The following CPNE8 variants were observed in gnomAD, a reference collection of about 807,000 sequenced individuals.
CPNE8 encodes the protein copine-8.
In CPNE8, 45 loss-of-function variants were observed where a neutral mutation model predicts 81.5. The observed-to-expected ratio is 0.55, with a 90% confidence interval of 0.44 to 0.71. The LOEUF (loss-of-function observed/expected upper bound fraction) is 0.71, where lower values mean the gene tolerates loss of function less well. Among genes scored for constraint, CPNE8 ranks in the 30% least tolerant of loss-of-function variants. The pLI, the probability that CPNE8 is intolerant of heterozygous loss-of-function variation, is 0.00. For synonymous variants in CPNE8, 252 were observed against 226.3 expected (o/e 1.11, Z -1.02); for missense variants, 594 against 672.1 (o/e 0.88, Z 1.28).
At chr12:38,829,907 T>G (rs1943256890) in intron 5 of CPNE8, among the ~76,000 whole-genome samples, 1 of 152,192 alleles carries the variant, frequency 6.6e-6, no homozygotes, top group African/African-American at 2.4e-5. Context: ...ACAGCCAACC[T>G]GCCAGGTGTC....
At chr12:38,834,488 A>T (rs1195640266) in intron 5 of CPNE8, among the ~76,000 whole-genome samples, 2 of 152,150 alleles carry the variant, frequency 1.3e-5, no homozygotes, top group African/African-American at 4.8e-5. Flanking sequence ...TACACTGGAC[A>T]TCCAATTCAT....
intron 10 of CPNE8, among the ~76,000 whole-genome samples, chr12:38,757,372 A>G (rs1378984450): frequency 6.6e-6 from 1 of 152,030 alleles, no homozygotes; most frequent in Non-Finnish European, 1.5e-5. Flanking sequence ...AAAAACATGT[A>G]AAAAGTGTAA....
chr12:38,768,169 T>A, intron 7 of CPNE8, among the ~76,000 whole-genome samples: 1 of 151,628 alleles, frequency 6.6e-6, no homozygotes, highest in East Asian at 1.9e-4. Flanking sequence ...ATGTACTAGA[T>A]GATTAGATGG....
At chr12:38,657,457 T>C (rs1017468648) in intron 19 of CPNE8, among the ~76,000 whole-genome samples, 2 of 152,096 alleles carry the variant, frequency 1.3e-5, no homozygotes, top group African/African-American at 2.4e-5. Flanking sequence ...AGGGCACAGC[T>C]GAAAAAAGGC....
chr12:38,722,553 G>T (rs1253374117), intron 13 of CPNE8, among the ~76,000 whole-genome samples: 1 of 152,140 alleles, frequency 6.6e-6, no homozygotes, highest in East Asian at 1.9e-4. Flanking sequence ...GTGGCAGGGG[G>T]CTGTTGCTGA....
At chr12:38,770,945 C>T (rs550571996) in intron 7 of CPNE8, among the ~76,000 whole-genome samples, 1 of 152,204 alleles carries the variant, frequency 6.6e-6, no homozygotes, top group African/African-American at 2.4e-5. Flanking sequence ...CCTGCATAGT[C>T]AGCCGACTAA....
In CPNE8 at chr12:38,767,744, A is replaced by G. The variant is rs756182221; in HGVS notation, c.472-6T>C. ...AATTGCATCAAAACGGCATCCTAAA[A>G]ACAAAATTAATAAAACAGTTCAAGA... On this transcript the variant is annotated splice_polypyrimidine_tract_variant and splice_region_variant and intron_variant, in intron 7 of 19. Transcript: ENST00000331366. 1 of 1,514,576 alleles carries G rather than the reference A, an allele frequency of 6.6e-7. No individual in the cohort carries two copies. The highest frequency in any genetic ancestry group is 2.5e-5 in the East Asian group (1 of 39,438). The allele number at this position is 1,514,576 out of a possible 1,614,324, so 93.8% of individuals were successfully genotyped here.
intron 3 of CPNE8, among the ~76,000 whole-genome samples, chr12:38,869,674 A>G (rs1333778734): frequency 6.6e-6 from 1 of 151,958 alleles, no homozygotes. Context: ...TCTCTTTAAT[A>G]CTTTTCACTC....
intron 6 of CPNE8, among the ~76,000 whole-genome samples, chr12:38,779,631 C>A (rs1050875072): frequency 6.6e-6 from 1 of 152,050 alleles, no homozygotes; most frequent in Non-Finnish European, 1.5e-5. Context: ...ATCATGGTTG[C>A]CTGGTATATG....
chr12:38,714,268 C>T (rs1940333330), intron 13 of CPNE8, among the ~76,000 whole-genome samples: 1 of 151,980 alleles, frequency 6.6e-6, no homozygotes, highest in African/African-American at 2.4e-5. Context: ...GATTTCATAA[C>T]AGTATGTAAT....
chr12:38,675,731 G>T lies in CPNE8; in HGVS notation c.1418C>A (p.Pro473Gln). Residue 473 changes from proline to glutamine, a missense_variant, in exon 18 of 20, where the codon CCA becomes CAA. Pro to Gln is a moderately conservative substitution (Grantham distance 76, BLOSUM62 -1). Transcript: ENST00000331366. ...TTACTACTCACCATCAAATTCTGCT[G>T]GTCCAACACCTACTATAATTATTGA... is the stretch of plus-strand genomic sequence containing the variant. ...PMSIIIVGVGPAEFDAMVELD... is the reference protein window; with the variant it reads ...PMSIIIVGVGQAEFDAMVELD... 1.2e-6 allele frequency: 2 copies of T among 1,602,156 alleles called. No individual in the cohort carries two copies. Among genetic ancestry groups the T allele is most frequent in the Non-Finnish European group, 1.7e-6 (2 of 1,169,590 alleles).
At chr12:38,837,334 A>G (rs192400250) in intron 5 of CPNE8, among the ~76,000 whole-genome samples, 1 of 152,280 alleles carries the variant, frequency 6.6e-6, no homozygotes, top group East Asian at 1.9e-4. Flanking sequence ...GCAGAAGCAC[A>G]TGATCTGGAA....
chr12:38,846,478 T>C lies in CPNE8; in HGVS notation c.290+2081A>G, dbSNP rs760885652. Among the ~76,000 whole-genome samples, 89 of 152,214 alleles carry C rather than the reference T, an allele frequency of 5.8e-4. 1 individual carries two copies. The highest frequency in any genetic ancestry group is 1.2e-3 in the Non-Finnish European group (79 of 68,000). On this transcript the variant is annotated intron_variant, in intron 4 of 19. Coordinates refer to ENST00000331366, the MANE Select transcript of CPNE8 (RefSeq NM_153634.3). ...GGCAAAAGTGGCAATTGGTGAGTGA[T>C]GGTGGTAGGTAAAACTAGTCTTAGA...
chr12:38,742,599 A>G (rs912564109), intron 10 of CPNE8, among the ~76,000 whole-genome samples: 7 of 151,892 alleles, frequency 4.6e-5, no homozygotes, highest in African/African-American at 1.7e-4. Flanking sequence ...TAATTTGTGC[A>G]GCACACCAAC....
intron 5 of CPNE8, among the ~76,000 whole-genome samples, chr12:38,833,198 C>A (rs1339904707): frequency 1.3e-5 from 2 of 151,540 alleles, no homozygotes; most frequent in East Asian, 4.0e-4. Flanking sequence ...ACTAAAAATA[C>A]AAAAATTAGC....
chr12:38,715,607 A>T (rs896343138), intron 13 of CPNE8, among the ~76,000 whole-genome samples: 1 of 151,714 alleles, frequency 6.6e-6, no homozygotes. Flanking sequence ...TATGATAAAA[A>T]TCCCTCAACA....
intron 6 of CPNE8, among the ~76,000 whole-genome samples, chr12:38,809,558 C>T (rs1180757100): frequency 6.6e-6 from 1 of 152,174 alleles, no homozygotes; most frequent in Non-Finnish European, 1.5e-5. Context: ...ATAGTTGTGA[C>T]ATCAGAGAGT....
chr12:38,661,894 A>C (rs1019125347), intron 19 of CPNE8, among the ~76,000 whole-genome samples: 11 of 122,584 alleles, frequency 9.0e-5, no homozygotes, highest in Non-Finnish European at 1.9e-4. Flanking sequence ...AACAGAATGC[A>C]AGCAAAAAAA....
In CPNE8 at chr12:38,829,380, C is replaced by T. The variant is rs1232173878; in HGVS notation, c.406G>A (p.Val136Ile). ...SQGSRLEKPI[V>I]GIPGKKCGTI... Reference sequence around the variant, plus strand: ...TTGTCTGAATTAAAAAATACTTACACTATTGGTTTTTCCAGGCGACTTCCC... The same window carrying T: ...TTGTCTGAATTAAAAAATACTTACATTATTGGTTTTTCCAGGCGACTTCCC... The change falls in exon 6 of 20, where the codon GTA (valine) becomes ATA (isoleucine). Residue 136 changes from valine to isoleucine, a missense_variant and splice_region_variant. Physicochemically the swap from Val to Ile is conservative, Grantham distance 29. Coordinates refer to ENST00000331366, the MANE Select transcript of CPNE8 (RefSeq NM_153634.3). 10 of 1,601,166 alleles carry T rather than the reference C, an allele frequency of 6.2e-6. No homozygotes were observed. The East Asian group carries it at 2.0e-4, about 32-fold the overall frequency.
Sources: gnomAD v4.1 joint callset for allele counts (sites outside exome capture counted in the v4.1 genomes callset) on GRCh38, gnomAD v4.1.1 for gene constraint, MANE v1.5 for transcripts, NCBI Gene and HGNC (gene_info 2026-07-23, HGNC 2026-07-21) for gene names.